HDAC9: variants seen among roughly 807,000 people sequenced by gnomAD.
HDAC9 encodes the protein MEF-2 interacting transcription repressor (MITR) protein.
HDAC9 carries 41 observed loss-of-function variants against 139.4 expected under a neutral mutation model. The observed-to-expected ratio is 0.29, with a 90% CI of 0.23 to 0.38. The LOEUF is 0.38. Ranked by LOEUF, HDAC9 falls within the 10% of genes least tolerant of loss-of-function variation. The pLI, the probability that HDAC9 is intolerant of heterozygous loss-of-function variation, is 1.00. For missense variants in HDAC9, 1,147 were observed against 1,297.0 expected (o/e 0.88, Z 1.78); for synonymous variants, 517 against 476.2 (o/e 1.09, Z -1.12).
chr7:18,154,124 A>G (rs1019272996), intron 1 of HDAC9, among the ~76,000 whole-genome samples: 6 of 152,204 alleles, frequency 3.9e-5, no homozygotes, highest in African/African-American at 4.8e-5. Flanking sequence ...TCACATTTCT[A>G]TAAAATGATA....
At chr7:18,288,320 A>T (rs1003428702), upstream of HDAC9, among the ~76,000 whole-genome samples, 2 of 152,234 alleles carry the variant, frequency 1.3e-5, no homozygotes, top group East Asian at 3.8e-4. Context: ...TTTACCATCT[A>T]TAATTTGCCT....
intron 1 of HDAC9, among the ~76,000 whole-genome samples, chr7:18,157,805 G>GAGAGAA (rs1491138394): frequency 3.0e-4 from 1 of 3,316 alleles, no homozygotes; most frequent in African/African-American, 1.3e-3. Flanking sequence ...TCTAAGGCAT[G>GAGAGAA]AGAGAGAGAG....
chr7:18,354,109 A>G (rs991770323), intron 1 of HDAC9, among the ~76,000 whole-genome samples: 2 of 152,202 alleles, frequency 1.3e-5, no homozygotes, highest in African/African-American at 4.8e-5. Flanking sequence ...AAGAAATTTT[A>G]TCATCATATA....
chr7:18,966,878 A>G (rs1480274373), intron 24 of HDAC9, among the ~76,000 whole-genome samples: 2 of 152,198 alleles, frequency 1.3e-5, no homozygotes, highest in Admixed American at 6.5e-5. Context: ...CAACTTCACT[A>G]TGTGTATATT....
chr7:18,720,385 A>G (rs868280511), intron 12 of HDAC9, among the ~76,000 whole-genome samples: 2 of 151,504 alleles, frequency 1.3e-5, no homozygotes, highest in Non-Finnish European at 2.9e-5. Flanking sequence ...GTTTCAAATC[A>G]TCATATTAAG....
chr7:18,202,693 G>A (rs1200242884), intron 2 of HDAC9, among the ~76,000 whole-genome samples: 1 of 152,144 alleles, frequency 6.6e-6, no homozygotes, highest in African/African-American at 2.4e-5. Flanking sequence ...AATTCTTTTT[G>A]CGTGAGCAGC....
rs373723641 is a variant in HDAC9 at position 18,609,026 on chromosome 7, T to G, written c.664+14997T>G. On this transcript the variant is annotated intron_variant, in intron 6 of 25. Transcript: ENST00000686413. ...GTTATTATTATTATTTTTTTGGTTG[T>G]AAGCCTTCAATATCTTTATTTCAAA... Among the ~76,000 whole-genome samples the G allele has an allele frequency of 3.9e-5, 6 of 152,278 alleles. No homozygotes were observed. The East Asian group carries it at 9.6e-4, about 24-fold the overall frequency.
chr7:18,523,345 T>G (rs983788164), intron 2 of HDAC9, among the ~76,000 whole-genome samples: 3 of 152,118 alleles, frequency 2.0e-5, no homozygotes, highest in African/African-American at 7.2e-5. Flanking sequence ...TAACTAGAAG[T>G]GCCCAGCAAG....
At chr7:18,362,515 T>C (rs116846721) in intron 1 of HDAC9, among the ~76,000 whole-genome samples, 2,556 of 152,256 alleles carry the variant, frequency 0.017, 39 homozygotes, top group Non-Finnish European at 0.023. Context: ...AATAGGTATA[T>C]GGTATACAGT....
intron 15 of HDAC9, among the ~76,000 whole-genome samples, chr7:18,764,155 C>T (rs892536336): frequency 6.6e-6 from 1 of 151,950 alleles, no homozygotes; most frequent in Non-Finnish European, 1.5e-5. Flanking sequence ...ATAATTTTAA[C>T]TTGGACAAAG....
chr7:18,945,269 G>A (rs1407611671), intron 23 of HDAC9, among the ~76,000 whole-genome samples: 3 of 152,202 alleles, frequency 2.0e-5, no homozygotes, highest in Non-Finnish European at 2.9e-5. Context: ...GATTTGCCCA[G>A]ACGCTAATGC....
chr7:18,748,881 TTCC>T (rs1397097993), intron 13 of HDAC9, 121 bp from the exon 14 acceptor site: 2 of 932,956 alleles, frequency 2.1e-6, no homozygotes, highest in African/African-American at 3.3e-5. Context: ...TTTGTGATAT[TTCC>T]TCCTTTGTTA....
chr7:18,389,078 C>T (rs1786217515), intron 1 of HDAC9, among the ~76,000 whole-genome samples: 1 of 152,184 alleles, frequency 6.6e-6, no homozygotes, highest in South Asian at 2.1e-4. Context: ...TTTCGAATAG[C>T]TGTAGGCTTT....
chr7:18,710,871 T>G (rs1356778532), intron 12 of HDAC9, among the ~76,000 whole-genome samples: 3 of 152,232 alleles, frequency 2.0e-5, no homozygotes, highest in Non-Finnish European at 4.4e-5. Flanking sequence ...GTGGGGAATA[T>G]ATATATACAT....
At chr7:18,108,796 A>G (rs1048965525) in intron 1 of HDAC9, among the ~76,000 whole-genome samples, 2 of 151,746 alleles carry the variant, frequency 1.3e-5, no homozygotes, top group African/African-American at 2.4e-5. Flanking sequence ...TAATTTTTGT[A>G]TTTTTAGTAG....
chr7:18,755,258 G>C (rs1014364609), intron 14 of HDAC9, among the ~76,000 whole-genome samples: 2 of 152,060 alleles, frequency 1.3e-5, no homozygotes, highest in Non-Finnish European at 2.9e-5. Context: ...AAAACTAATT[G>C]TACACCTTAT....
intron 25 of HDAC9, among the ~76,000 whole-genome samples, chr7:18,988,253 G>T (rs1392301359): frequency 6.6e-6 from 1 of 152,018 alleles, no homozygotes; most frequent in African/African-American, 2.4e-5. Context: ...AGAGATTCGG[G>T]TATGTTGTGT....
At chr7:18,235,017 G>C (rs1052288400) in intron 2 of HDAC9, among the ~76,000 whole-genome samples, 2 of 152,066 alleles carry the variant, frequency 1.3e-5, no homozygotes. Flanking sequence ...AAGCCCCTTT[G>C]GGATCCTTTG....
chr7:18,743,426 AT>A (rs969679578), intron 13 of HDAC9, among the ~76,000 whole-genome samples: 2 of 152,286 alleles, frequency 1.3e-5, no homozygotes, highest in East Asian at 1.9e-4. Flanking sequence ...CAATTTATCA[AT>A]TTTTTTAAAC....
Sources: gnomAD v4.1 joint callset for allele counts (sites outside exome capture counted in the v4.1 genomes callset) on GRCh38, gnomAD v4.1.1 for gene constraint, MANE v1.5 for transcripts, NCBI Gene and HGNC (gene_info 2026-07-23, HGNC 2026-07-21) for gene names.